The following COL23A1 variants were observed in gnomAD, a reference collection of about 807,000 sequenced individuals.
COL23A1 encodes collagen alpha-1(XXIII) chain.
A neutral mutation model predicts 99.3 loss-of-function variants in COL23A1; 97 were observed. That is an observed-to-expected ratio of 0.98 (90% CI 0.83 to 1.16). COL23A1 has a LOEUF of 1.16. Ranked by LOEUF, COL23A1 falls within the 50% of genes most tolerant of loss-of-function variation. The pLI, the probability that COL23A1 is intolerant of heterozygous loss-of-function variation, is 0.00. For missense variants in COL23A1, 762 were observed against 757.4 expected (o/e 1.01, Z -0.07); for synonymous variants, 320 against 308.2 (o/e 1.04, Z -0.40).
intron 3 of COL23A1, among the ~76,000 whole-genome samples, chr5:178,304,493 G>C (rs1356711802): frequency 8.6e-6 from 1 of 115,742 alleles, no homozygotes; most frequent in Non-Finnish European, 1.6e-5. Context: ...CTGAGTGACA[G>C]AGCGACTGTC....
At chr5:178,561,005 C>G (rs1392461459) in intron 1 of COL23A1, among the ~76,000 whole-genome samples, 5 of 152,174 alleles carry the variant, frequency 3.3e-5, no homozygotes, top group Non-Finnish European at 7.3e-5. Context: ...ACAGCATTTT[C>G]AAATAGAATA....
At chr5:178,523,259 G>C (rs796678295) in intron 2 of COL23A1, among the ~76,000 whole-genome samples, 50 of 24,278 alleles carry the variant, frequency 2.1e-3, no homozygotes, top group Middle Eastern at 0.017. Context: ...GAGAGAGACA[G>C]AGAGAGAGAG....
rs765765695 is a variant in COL23A1, at chr5:178,319,541, C to T, written c.362-12622G>A. 1.4e-4 allele frequency among the ~76,000 whole-genome samples: 22 copies of T among 152,288 alleles called. 1 individual carries two copies. The highest frequency in any genetic ancestry group is 2.1e-4 in the Non-Finnish European group (14 of 68,030). On this transcript the variant is annotated intron_variant, in intron 2 of 28. Transcript: ENST00000390654. ...TGAGGCCTGGGGCATGGCCGGTGGG[C>T]GTGGGCAAGGCCTTTGGCAGGCACT...
intron 2 of COL23A1, among the ~76,000 whole-genome samples, chr5:178,311,484 C>CTGTGTGTGTGTGTGTGTGTGTG: frequency 1.7e-5 from 1 of 58,192 alleles, no homozygotes; most frequent in African/African-American, 6.0e-5. Flanking sequence ...GTTCTTTCCT[C>CTGTGTGTGTGTGTGTGTGTGTG]TGTGTGTGTG....
intron 2 of COL23A1, among the ~76,000 whole-genome samples, chr5:178,380,644 G>A (rs1192346765): frequency 1.3e-5 from 2 of 152,180 alleles, no homozygotes; most frequent in Non-Finnish European, 2.9e-5. Context: ...AATGGGAAGT[G>A]GCATTTGAGC....
intron 1 of COL23A1, among the ~76,000 whole-genome samples, chr5:178,587,466 CT>C (rs771196731): frequency 2.0e-5 from 3 of 152,254 alleles, no homozygotes; most frequent in South Asian, 4.1e-4. Context: ...TTCTTTCCCC[CT>C]GACATTAAAG....
chr5:178,462,249 A>G (rs1756162495), intron 2 of COL23A1, among the ~76,000 whole-genome samples: 1 of 152,164 alleles, frequency 6.6e-6, no homozygotes, highest in Non-Finnish European at 1.5e-5. Context: ...CCCCCCACCC[A>G]GCAATCAGGC....
chr5:178,299,739 T>G (rs1581107317), intron 3 of COL23A1, among the ~76,000 whole-genome samples: 1 of 151,958 alleles, frequency 6.6e-6, no homozygotes, highest in Non-Finnish European at 1.5e-5. Context: ...TTTTTAATTT[T>G]TATTTCATAT....
intron 2 of COL23A1, among the ~76,000 whole-genome samples, chr5:178,361,615 T>C (rs916728858): frequency 1.3e-5 from 2 of 151,902 alleles, no homozygotes; most frequent in African/African-American, 4.8e-5. Context: ...ACAGGACTCA[T>C]GTTTTCCTAC....
At chr5:178,451,722 G>T (rs926946769) in intron 2 of COL23A1, among the ~76,000 whole-genome samples, 1 of 149,766 alleles carries the variant, frequency 6.7e-6, no homozygotes, top group Non-Finnish European at 1.5e-5. Flanking sequence ...ACAACAGCCA[G>T]TGATTAGATC....
At chr5:178,392,595 G>A (rs1764025527) in intron 2 of COL23A1, among the ~76,000 whole-genome samples, 1 of 152,150 alleles carries the variant, frequency 6.6e-6, no homozygotes. Context: ...TGAGACACGA[G>A]GCCACAGGAA....
intron 5 of COL23A1, among the ~76,000 whole-genome samples, chr5:178,286,364 G>A (rs567771054): frequency 3.3e-5 from 5 of 152,232 alleles, no homozygotes; most frequent in East Asian, 1.9e-4. Context: ...AGGGACGCCC[G>A]CGGGGCTCCA....
Position 178,247,843 on chromosome 5 carries a change from G to GA in COL23A1, c.1213-13dup. ...ACTATGAGCTGAGCCTAGGGAGGGT[G>GA]AGAGACAGGTTAGTCACCCACCGCC... On this transcript the variant is annotated splice_polypyrimidine_tract_variant and intron_variant, in intron 20 of 28. Coordinates refer to ENST00000390654, the MANE Select transcript of COL23A1 (RefSeq NM_173465.4). 6.2e-7 allele frequency: 1 copy of GA among 1,610,166 alleles called. No individual in the cohort carries two copies. Among genetic ancestry groups the GA allele is most frequent in the Non-Finnish European group, 8.5e-7 (1 of 1,178,094 alleles).
At chr5:178,562,795 C>A (rs971405225) in intron 1 of COL23A1, 2 of 150,024 alleles carry the variant, frequency 1.3e-5, no homozygotes, top group Admixed American at 6.7e-5. Context: ...GCTGATTGGT[C>A]CACTTTACAG....
rs568592820 is a variant in COL23A1 at position 178,308,877 on chromosome 5, C to T, written c.362-1958G>A. 2.6e-4 allele frequency among the ~76,000 whole-genome samples: 40 copies of T among 152,190 alleles called. No individual in the cohort carries two copies. Among genetic ancestry groups the T allele is most frequent in the Admixed American group, 6.5e-4 (10 of 15,286 alleles). ...GCCTGTTTTCAATGAGAGCGAGGTA[C>T]GGGAACGGGAGCCCCCCGGCACACG... On this transcript the variant is annotated intron_variant, in intron 2 of 28. Coordinates refer to ENST00000390654, the MANE Select transcript of COL23A1 (RefSeq NM_173465.4). This position sits in a 1 kb window ranked among gnomAD's most constrained non-coding sequence, Gnocchi z 5.1.
intron 2 of COL23A1, among the ~76,000 whole-genome samples, chr5:178,457,846 A>G (rs2127889073): frequency 6.6e-6 from 1 of 152,346 alleles, no homozygotes; most frequent in East Asian, 1.9e-4. Context: ...CCTTGAATTT[A>G]AACTGAAAAC....
At chr5:178,450,257 C>CAAA (rs113413013) in intron 2 of COL23A1, among the ~76,000 whole-genome samples, 36,496 of 151,954 alleles carry the variant, frequency 0.24, 5,149 homozygotes, top group Middle Eastern at 0.34. Context: ...CCGCAAGGAT[C>CAAA]GTTTTCCCCT....
At chr5:178,490,657 G>T (rs1185715284) in intron 2 of COL23A1, among the ~76,000 whole-genome samples, 1 of 152,076 alleles carries the variant, frequency 6.6e-6, no homozygotes, top group Non-Finnish European at 1.5e-5. Context: ...TGCACCTGAA[G>T]TCCCAGCTAC....
At chr5:178,390,228 A>C (rs945938964) in intron 2 of COL23A1, among the ~76,000 whole-genome samples, 4 of 152,202 alleles carry the variant, frequency 2.6e-5, no homozygotes, top group African/African-American at 9.7e-5. Context: ...AAGATATTTT[A>C]AGAGAGGGAG....
Sources: allele counts gnomAD v4.1 joint callset (sites outside exome capture counted in the v4.1 genomes callset), GRCh38; gene constraint gnomAD v4.1.1; non-coding constraint Gnocchi (gnomAD v3.1); transcripts MANE v1.5; gene names NCBI Gene and HGNC (gene_info 2026-07-23, HGNC 2026-07-21).